SLX4IP: variants seen among roughly 807,000 people sequenced by gnomAD.
SLX4IP encodes the protein SLX4 interacting protein, also known as protein SLX4IP.
Under a neutral mutation model 32.9 loss-of-function variants are expected in SLX4IP, and 34 were observed. The observed-to-expected ratio is 1.03, with a 90% CI of 0.79 to 1.38. SLX4IP has a LOEUF of 1.38. Ranked by LOEUF, SLX4IP falls within the 40% of genes most tolerant of loss-of-function variation. The pLI is 0.00. For missense variants in SLX4IP, 444 were observed against 479.0 expected (o/e 0.93, Z 0.68); for synonymous variants, 172 against 171.7 (o/e 1.00, Z -0.01).
At chr20:10,606,604 T>C (rs1333573829) in intron 6 of SLX4IP, among the ~76,000 whole-genome samples, 1 of 152,236 alleles carries the variant, frequency 6.6e-6, no homozygotes, top group Non-Finnish European at 1.5e-5. Flanking sequence ...CACAATGTTA[T>C]GAACTTAGAT....
intron 2 of SLX4IP, among the ~76,000 whole-genome samples, chr20:10,465,150 T>C (rs913230641): frequency 1.3e-5 from 2 of 152,162 alleles, no homozygotes; most frequent in African/African-American, 4.8e-5. Context: ...AAAGAAGTGG[T>C]AGCAGCAGGC....
intron 2 of SLX4IP, among the ~76,000 whole-genome samples, chr20:10,501,253 T>C (rs1361689431): frequency 6.6e-6 from 1 of 152,160 alleles, no homozygotes; most frequent in East Asian, 1.9e-4. Context: ...TATATAATAA[T>C]GTATGTATAA....
In SLX4IP at chr20:10,529,197, T is replaced by A. The variant is rs373738167; in HGVS notation, c.28-27034T>A. On this transcript the variant is annotated intron_variant, in intron 2 of 7. Transcript: ENST00000334534. ...GGAGGAGTAAGTAGATTGATTTTCC[T>A]GTCATGCTAACATGAGACATTTAAT... is the stretch of plus-strand genomic sequence containing the variant. 3.9e-4 allele frequency among the ~76,000 whole-genome samples: 60 copies of A among 152,356 alleles called. No homozygotes were observed. In the South Asian group the frequency reaches 8.9e-3, roughly 23 times the overall value.
At chr20:10,551,438 T>C (rs192286844) in intron 2 of SLX4IP, among the ~76,000 whole-genome samples, 2 of 152,338 alleles carry the variant, frequency 1.3e-5, no homozygotes, top group East Asian at 3.9e-4. Context: ...CAGACAAGGC[T>C]GTGATTTGCC....
At chr20:10,621,469 G>T in intron 7 of SLX4IP, 55 bp downstream of exon 7, 1 of 1,494,044 alleles carries the variant, frequency 6.7e-7, no homozygotes, top group Non-Finnish European at 9.3e-7. Flanking sequence ...TGTATGGATA[G>T]ATAACATGAA....
intron 5 of SLX4IP, among the ~76,000 whole-genome samples, chr20:10,601,468 G>T (rs191486697): frequency 7.0e-4 from 106 of 152,286 alleles, no homozygotes; most frequent in African/African-American, 2.0e-3. Context: ...AGGCTACAGA[G>T]GTTCTGCCTG....
intron 4 of SLX4IP, among the ~76,000 whole-genome samples, chr20:10,575,797 C>T (rs978963600): frequency 2.6e-5 from 4 of 151,746 alleles, no homozygotes; most frequent in South Asian, 2.1e-4. Flanking sequence ...TCATAATGCC[C>T]GGATTTTCAA....
chr20:10,525,399 G>T (rs1411549377), intron 2 of SLX4IP, among the ~76,000 whole-genome samples: 1 of 151,930 alleles, frequency 6.6e-6, no homozygotes. Context: ...CTTTCCATCT[G>T]CTCACATAGA....
At chr20:10,622,423 C>T (rs1187561866) in intron 7 of SLX4IP, among the ~76,000 whole-genome samples, 3 of 152,164 alleles carry the variant, frequency 2.0e-5, no homozygotes, top group African/African-American at 7.2e-5. Context: ...CCATTTTTAA[C>T]CCAATGATTG....
chr20:10,452,129 T>C (rs952451148), intron 1 of SLX4IP, among the ~76,000 whole-genome samples: 1 of 152,212 alleles, frequency 6.6e-6, no homozygotes, highest in Non-Finnish European at 1.5e-5. Context: ...GGCAAATAGT[T>C]CCATGCTCAA....
chr20:10,463,964 A>G (rs146172035), intron 2 of SLX4IP, among the ~76,000 whole-genome samples: 50 of 152,328 alleles, frequency 3.3e-4, no homozygotes, highest in African/African-American at 1.1e-3. Flanking sequence ...AGGCTGGGGA[A>G]GGAAACATGT....
At chr20:10,556,199 CA>C in intron 2 of SLX4IP, 31 bp from the exon 3 acceptor site, 1 of 1,591,648 alleles carries the variant, frequency 6.3e-7, no homozygotes, top group East Asian at 2.2e-5. Flanking sequence ...ATGAGCCGCA[CA>C]GACACTGACT....
intron 4 of SLX4IP, among the ~76,000 whole-genome samples, chr20:10,579,423 CTTTTTTCTT>C (rs955936615): frequency 6.6e-5 from 10 of 151,304 alleles, no homozygotes; most frequent in African/African-American, 1.7e-4. Flanking sequence ...TTTTTCTTTT[CTTTTTTCTT>C]TTTTTTCTTT....
rs552231121 is a variant in SLX4IP at position 10,604,887 on chromosome 20, T to A, written c.405+3068T>A. 3.3e-5 allele frequency among the ~76,000 whole-genome samples: 5 copies of A among 152,366 alleles called. No individual in the cohort carries two copies. In the East Asian group the frequency reaches 9.6e-4, roughly 29 times the overall value. On this transcript the variant is annotated intron_variant, in intron 6 of 7. Transcript: ENST00000334534. Reference sequence around the variant, plus strand: ...ACTCTTGTAGCCTCAGTTTTTGACCTATTGCTAGATATAGGACTGGGGAGT... The same window carrying A: ...ACTCTTGTAGCCTCAGTTTTTGACCAATTGCTAGATATAGGACTGGGGAGT...
intron 2 of SLX4IP, among the ~76,000 whole-genome samples, chr20:10,542,840 G>C (rs2066122076): frequency 6.6e-6 from 1 of 152,168 alleles, no homozygotes; most frequent in Non-Finnish European, 1.5e-5. Context: ...TTGTTTCCCA[G>C]ATCCAGTTTT....
intron 4 of SLX4IP, among the ~76,000 whole-genome samples, chr20:10,590,894 A>G (rs970079556): frequency 1.3e-5 from 2 of 152,214 alleles, no homozygotes; most frequent in African/African-American, 2.4e-5. Flanking sequence ...AGAGATTGCA[A>G]ACTGACAATA....
intron 7 of SLX4IP, 72 bp from the exon 8 acceptor site, chr20:10,622,587 G>A: frequency 6.6e-7 from 1 of 1,521,130 alleles, no homozygotes; most frequent in Non-Finnish European, 8.8e-7. Flanking sequence ...TAGGAAATGT[G>A]GTAGAGGGAA....
At chr20:10,457,150 G>C (rs890979013) in intron 1 of SLX4IP, among the ~76,000 whole-genome samples, 2 of 152,068 alleles carry the variant, frequency 1.3e-5, no homozygotes, top group African/African-American at 4.8e-5. Context: ...AGAACATATT[G>C]TTTATGAATA....
chr20:10,460,006 C>A (rs376011957), intron 2 of SLX4IP, among the ~76,000 whole-genome samples: 3 of 152,294 alleles, frequency 2.0e-5, no homozygotes, highest in South Asian at 2.1e-4. Context: ...TTAACCAAGT[C>A]AGTGCTTATT....
Sources: allele counts gnomAD v4.1 joint callset (sites outside exome capture counted in the v4.1 genomes callset), GRCh38; gene constraint gnomAD v4.1.1; transcripts MANE v1.5; gene names NCBI Gene and HGNC (gene_info 2026-07-23, HGNC 2026-07-21).